Variants in TMEM150C observed in about 807,000 individuals in gnomAD.
The protein encoded by TMEM150C is tentonin 3.
A neutral mutation model predicts 29.9 loss-of-function variants in TMEM150C; 10 were observed. The ratio of observed to expected loss-of-function variants is 0.33; its 90% CI spans 0.21 to 0.57. TMEM150C has a LOEUF of 0.57. Among genes scored for constraint, TMEM150C ranks in the 20% least tolerant of loss-of-function variants. TMEM150C has a pLI of 0.88. For missense variants in TMEM150C, 251 were observed against 303.6 expected (o/e 0.83, Z 1.29); for synonymous variants, 101 against 112.5 (o/e 0.90, Z 0.64).
intron 1 of TMEM150C, among the ~76,000 whole-genome samples, chr4:82,519,877 T>A (rs141383169): frequency 6.6e-5 from 10 of 152,346 alleles, no homozygotes; most frequent in African/African-American, 2.2e-4. Flanking sequence ...CTCCTCCCCA[T>A]CTATTTCAAA....
At chr4:82,500,964 G>A (rs372473323) in intron 5 of TMEM150C, among the ~76,000 whole-genome samples, 12 of 152,216 alleles carry the variant, frequency 7.9e-5, no homozygotes, top group Admixed American at 2.0e-4. Context: ...GCTATTAATC[G>A]TTGTTGCCCC....
intron 1 of TMEM150C, among the ~76,000 whole-genome samples, chr4:82,557,806 T>C (rs1725783612): frequency 6.6e-6 from 1 of 150,432 alleles, no homozygotes; most frequent in Non-Finnish European, 1.5e-5. Context: ...CGATCTTGGC[T>C]CACTGCAACC....
At chr4:82,554,643 G>T (rs1238742886) in intron 1 of TMEM150C, among the ~76,000 whole-genome samples, 1 of 152,140 alleles carries the variant, frequency 6.6e-6, no homozygotes, top group Non-Finnish European at 1.5e-5. Context: ...GAATAGTAAA[G>T]CTATGCTATT....
intron 1 of TMEM150C, among the ~76,000 whole-genome samples, chr4:82,558,849 C>A (rs1412147637): frequency 6.6e-6 from 1 of 151,902 alleles, no homozygotes; most frequent in Non-Finnish European, 1.5e-5. Flanking sequence ...GTGACCTGCA[C>A]GTATACATCC....
At chr4:82,499,482 G>A (rs1366541224) in intron 5 of TMEM150C, among the ~76,000 whole-genome samples, 1 of 152,062 alleles carries the variant, frequency 6.6e-6, no homozygotes, top group Non-Finnish European at 1.5e-5. Context: ...AGCACTTTGG[G>A]AGGCCGAGGC....
chr4:82,550,384 G>A lies in TMEM150C; in HGVS notation c.-11+11522C>T, dbSNP rs143000522. Among the ~76,000 whole-genome samples, 5 of 152,134 alleles carry A rather than the reference G, an allele frequency of 3.3e-5. 1 individual carries two copies. The highest frequency in any genetic ancestry group is 1.9e-4 in the East Asian group (1 of 5,200). The stretch of plus-strand genomic sequence containing the variant: ...TTGATAAATTACCCACTCTTGGGCC[G>A]TTCTTTATAGCACTGTGAAAACAGA... On this transcript the variant is annotated intron_variant, in intron 1 of 7. Coordinates refer to ENST00000449862, the MANE Select transcript of TMEM150C (RefSeq NM_001080506.3).
At chr4:82,559,168 G>A (rs1725836924) in intron 1 of TMEM150C, among the ~76,000 whole-genome samples, 3 of 151,818 alleles carry the variant, frequency 2.0e-5, no homozygotes, top group Admixed American at 2.0e-4. Flanking sequence ...CTCCTTTTTC[G>A]GACTCAGCCC....
At chr4:82,530,832 T>C (rs111569052) in intron 1 of TMEM150C, among the ~76,000 whole-genome samples, 6,817 of 152,136 alleles carry the variant, frequency 0.045, 510 homozygotes, top group African/African-American at 0.16. Flanking sequence ...AACTTACCAT[T>C]ATGGTGGAAG....
chr4:82,540,847 T>C (rs1054761507), intron 1 of TMEM150C, among the ~76,000 whole-genome samples: 1 of 152,188 alleles, frequency 6.6e-6, no homozygotes, highest in Non-Finnish European at 1.5e-5. Context: ...ACACTTAAAA[T>C]CTACTCTCTT....
chr4:82,522,861 A>G (rs557635990), intron 1 of TMEM150C, among the ~76,000 whole-genome samples: 2 of 152,202 alleles, frequency 1.3e-5, no homozygotes, highest in Non-Finnish European at 1.5e-5. Context: ...ATTCTTGCCA[A>G]AGACACCAGG....
At chr4:82,514,567 A>C (rs1208744512) in intron 1 of TMEM150C, among the ~76,000 whole-genome samples, 2 of 149,900 alleles carry the variant, frequency 1.3e-5, no homozygotes, top group African/African-American at 4.9e-5. Flanking sequence ...TGGGGCATTC[A>C]CTGATTCTTG....
intron 1 of TMEM150C, among the ~76,000 whole-genome samples, chr4:82,547,464 C>T (rs2110090755): frequency 6.6e-6 from 1 of 152,158 alleles, no homozygotes; most frequent in East Asian, 1.9e-4. Context: ...TGGCACACGC[C>T]TGTAGTCCCA....
At chr4:82,491,949 G>T (rs201813975) in intron 6 of TMEM150C, among the ~76,000 whole-genome samples, 13,168 of 144,846 alleles carry the variant, frequency 0.091, 709 homozygotes, top group African/African-American at 0.14. Flanking sequence ...TTTTTTTTTG[G>T]TTTTTTTTTT....
In TMEM150C at chr4:82,484,459, CAA is replaced by C. The variant is rs1374097972; in HGVS notation, c.*1050_*1051del. ...AATTTGAGCAAAAGATACATATTAA[CAA>C]AGTCTCCCCTGATTTGGACTTGCAA... On this transcript the variant is annotated 3_prime_UTR_variant, in exon 8 of 8. Coordinates refer to ENST00000449862, the MANE Select transcript of TMEM150C (RefSeq NM_001080506.3). The C allele has an allele frequency of 6.7e-6, 1 of 149,944 alleles. No individual in the cohort carries two copies. The highest frequency in any genetic ancestry group is 1.5e-5 in the Non-Finnish European group (1 of 67,548). 9.3% of individuals were successfully genotyped at this position (149,944 alleles called of 1,614,324 possible).
intron 1 of TMEM150C, among the ~76,000 whole-genome samples, chr4:82,522,049 C>T (rs757632682): frequency 9.2e-5 from 14 of 151,890 alleles, no homozygotes; most frequent in East Asian, 1.9e-4. Context: ...GACAACAGAG[C>T]GAGAACTTTA....
chr4:82,500,568 T>G (rs1470936073), intron 5 of TMEM150C, among the ~76,000 whole-genome samples: 2 of 152,176 alleles, frequency 1.3e-5, no homozygotes, highest in African/African-American at 4.8e-5. Context: ...AGCAAAAGCT[T>G]AATTGCTTCT....
At position 82,485,466 on chromosome 4, in the gene TMEM150C, C is replaced by A. The variant is rs1418806525; in HGVS notation, c.*45G>T. On this transcript the variant is annotated 3_prime_UTR_variant, in exon 8 of 8. Coordinates refer to ENST00000449862, the MANE Select transcript of TMEM150C (RefSeq NM_001080506.3). ...CTGTGAGTGTGTCCTACTGGCCCCT[C>A]CCCCACTGTCACACCCACCTCACCA... 4 of 1,473,314 alleles carry A rather than the reference C, an allele frequency of 2.7e-6. No homozygotes were observed. Among genetic ancestry groups the A allele is most frequent in the Non-Finnish European group, 3.7e-6 (4 of 1,074,942 alleles). The allele number at this position is 1,473,314 out of a possible 1,614,324, so 91.3% of individuals were successfully genotyped here.
intron 5 of TMEM150C, 123 bp from the exon 6 acceptor site, chr4:82,496,318 T>C (rs1057069945): frequency 1.0e-6 from 1 of 982,978 alleles, no homozygotes; most frequent in Non-Finnish European, 1.5e-6. Flanking sequence ...GGCAGAATTC[T>C]AAAGCCGCAA....
At chr4:82,495,611 T>C (rs1578123342) in intron 6 of TMEM150C, 2 of 350,962 alleles carry the variant, frequency 5.7e-6, no homozygotes, top group East Asian at 1.5e-4. Context: ...TCTCTTTCTT[T>C]CTCCAGCTTT....
Sources: allele counts gnomAD v4.1 joint callset (sites outside exome capture counted in the v4.1 genomes callset), GRCh38; gene constraint gnomAD v4.1.1; transcripts MANE v1.5; gene names NCBI Gene and HGNC (gene_info 2026-07-23, HGNC 2026-07-21).